CPSF6: variants seen among roughly 807,000 people sequenced by gnomAD.
CPSF6 encodes cleavage and polyadenylation specific factor 6.
CPSF6 carries 10 observed loss-of-function variants against 56.7 expected under a neutral mutation model. The observed-to-expected ratio is 0.18, with a 90% CI of 0.11 to 0.30. The LOEUF (loss-of-function observed/expected upper bound fraction) is 0.30. CPSF6 is among the 10% of genes least tolerant of loss of function. The probability of loss-of-function intolerance (pLI) is 1.00; values close to 1 mark genes in which losing one functional copy is unlikely to be tolerated. For synonymous variants in CPSF6, 248 were observed against 244.8 expected, an observed-to-expected ratio of 1.01 and a Z score of -0.12; for missense variants, 419 against 722.9, an observed-to-expected ratio of 0.58 and a Z score of 4.82.
chr12:69,264,918 G>C (rs1232028339), intron 9 of CPSF6, among the ~76,000 whole-genome samples: 3 of 152,140 alleles, frequency 2.0e-5, no homozygotes, highest in African/African-American at 7.2e-5. Context: ...CAAATGGACT[G>C]AGTGATTTGA....
At chr12:69,239,862 C>T (rs1187170501) in intron 1 of CPSF6, among the ~76,000 whole-genome samples, 156 bp downstream of exon 1, 5 of 149,260 alleles carry the variant, frequency 3.3e-5, no homozygotes. Flanking sequence ...GGCGCCCCCC[C>T]GCCCCTCGTT....
intron 1 of CPSF6, among the ~76,000 whole-genome samples, chr12:69,240,103 T>A (rs1445199862): frequency 1.3e-5 from 2 of 150,592 alleles, no homozygotes; most frequent in Non-Finnish European, 3.0e-5. Context: ...CCGTCGCTGG[T>A]CGGAGGAGGA....
Position 69,260,020 on chromosome 12 carries a change from C to G in CPSF6, c.1316-24C>G, listed in dbSNP as rs201294187. 80 of 1,606,518 alleles carry G rather than the reference C, an allele frequency of 5.0e-5. No individual in the cohort carries two copies. The Admixed American group carries it at 1.3e-3, about 27-fold the overall frequency. On this transcript the variant is annotated intron_variant, in intron 7 of 9. Coordinates refer to ENST00000435070, the MANE Select transcript of CPSF6 (RefSeq NM_007007.3). Reference sequence around the variant, plus strand: ...TTTGAAAACAAAATTTGTTTGACTTCAAACCCTTTCCTTTCCCTCACAGGT... The same window carrying G: ...TTTGAAAACAAAATTTGTTTGACTTGAAACCCTTTCCTTTCCCTCACAGGT...
chr12:69,249,165 G>GC (rs1872091458), intron 1 of CPSF6, among the ~76,000 whole-genome samples: 1 of 82,390 alleles, frequency 1.2e-5, no homozygotes, highest in Non-Finnish European at 2.7e-5. Flanking sequence ...GGGGGGGGGG[G>GC]GGGGCTGAGG....
chr12:69,260,128 A>G lies in CPSF6; in HGVS notation c.1400A>G (p.Lys467Arg). 1 of 1,613,590 alleles carries G rather than the reference A, an allele frequency of 6.2e-7. No homozygotes were observed. The highest frequency in any genetic ancestry group is 8.5e-7 in the Non-Finnish European group (1 of 1,179,786). Reference protein sequence around the residue: ...QSKVSADDRCKVLISSLQDCL... With the variant: ...QSKVSADDRCRVLISSLQDCL... ...AAAGTATCTGCTGATGATCGTTGCA[A>G]AGTTCTTATTAGTTCTTTGCAAGAT... Residue 467 changes from lysine to arginine, a missense_variant, in exon 8 of 10, where the codon AAA (lysine) becomes AGA (arginine). Transcript: ENST00000435070.
At chr12:69,263,972 AC>A (rs1040814944) in intron 9 of CPSF6, among the ~76,000 whole-genome samples, 1 of 152,070 alleles carries the variant, frequency 6.6e-6, no homozygotes, top group Non-Finnish European at 1.5e-5. Flanking sequence ...AGGCAAAAAA[AC>A]CTTTTACTTT....
At chr12:69,250,147 C>T (rs1054222736) in intron 1 of CPSF6, among the ~76,000 whole-genome samples, 8 of 151,956 alleles carry the variant, frequency 5.3e-5, no homozygotes. Context: ...TTTCTTCTTT[C>T]TTTTATGGCT....
At chr12:69,245,412 A>C (rs1871845781) in intron 1 of CPSF6, among the ~76,000 whole-genome samples, 1 of 152,198 alleles carries the variant, frequency 6.6e-6, no homozygotes, top group Admixed American at 6.5e-5. Context: ...CCTACTTTAT[A>C]AATTAAACTT....
chr12:69,259,940 CA>C (rs1480945395), intron 7 of CPSF6, 103 bp from the exon 8 acceptor site: 28 of 1,154,736 alleles, frequency 2.4e-5, no homozygotes, highest in Non-Finnish European at 3.7e-6. Context: ...TATTTTATAG[CA>C]CAGTACTTTT....
Position 69,271,297 on chromosome 12 carries a change from T to C in CPSF6, c.*1789T>C, listed in dbSNP as rs775302557. On this transcript the variant is annotated 3_prime_UTR_variant, in exon 10 of 10. Coordinates refer to ENST00000435070, the MANE Select transcript of CPSF6 (RefSeq NM_007007.3). ...AATTTTCCTGTTTTCTGTATATTGTTGTGTCATTTCTTGGCTTTTTAATAT... is the reference window on the plus strand; with the variant it reads ...AATTTTCCTGTTTTCTGTATATTGTCGTGTCATTTCTTGGCTTTTTAATAT... 8 of 152,252 alleles carry C rather than the reference T, an allele frequency of 5.3e-5. No homozygotes were observed. The highest frequency in any genetic ancestry group is 8.9e-5 in the Non-Finnish European group (6 of 67,652). 9.4% of individuals were successfully genotyped at this position (152,252 alleles called of 1,614,324 possible).
chr12:69,239,596 G>A lies in CPSF6; in HGVS notation c.-51G>A, dbSNP rs753499557. On this transcript the variant is annotated 5_prime_UTR_variant, in exon 1 of 10. Transcript: ENST00000435070. Reference sequence around the variant, plus strand: ...TAGATCCGCTGCTGCTGCCGCGGCGGGCAGACCTGCAGGAGGCGGCGGCGG... The same window carrying A: ...TAGATCCGCTGCTGCTGCCGCGGCGAGCAGACCTGCAGGAGGCGGCGGCGG... The A allele has an allele frequency of 2.6e-6, 4 of 1,526,682 alleles. No homozygotes were observed. Among genetic ancestry groups the A allele is most frequent in the Non-Finnish European group, 2.6e-6 (3 of 1,139,084 alleles). 94.6% of individuals were successfully genotyped at this position (1,526,682 alleles called of 1,614,324 possible). A position where few individuals can be genotyped will look rare whatever the true frequency, so the allele number is the denominator to read the frequency against.
chr12:69,243,469 C>T (rs1468097811), intron 1 of CPSF6, among the ~76,000 whole-genome samples: 2 of 152,218 alleles, frequency 1.3e-5, no homozygotes, highest in Non-Finnish European at 2.9e-5. Context: ...CTGGAAGGTA[C>T]AGCCTACTAC....
chr12:69,254,287 T>C (rs572474253), intron 3 of CPSF6, among the ~76,000 whole-genome samples: 2 of 152,338 alleles, frequency 1.3e-5, no homozygotes, highest in East Asian at 3.9e-4. Context: ...CCACCACCTT[T>C]CTAACCCTAT....
intron 3 of CPSF6, among the ~76,000 whole-genome samples, chr12:69,253,960 T>G (rs568906665): frequency 6.6e-6 from 1 of 152,288 alleles, no homozygotes; most frequent in South Asian, 2.1e-4. Flanking sequence ...GATAAAGAAT[T>G]TTCTTATTTC....
intron 2 of CPSF6, among the ~76,000 whole-genome samples, chr12:69,252,601 T>C (rs1163131671): frequency 6.6e-6 from 1 of 152,178 alleles, no homozygotes; most frequent in East Asian, 1.9e-4. Flanking sequence ...GCTTATATGG[T>C]TGTTATAAGA....
At chr12:69,246,875 G>A (rs1335783296) in intron 1 of CPSF6, among the ~76,000 whole-genome samples, 2 of 152,100 alleles carry the variant, frequency 1.3e-5, no homozygotes, top group Non-Finnish European at 2.9e-5. Flanking sequence ...AGTTGCCCAG[G>A]CTGGTCTTAG....
intron 9 of CPSF6, among the ~76,000 whole-genome samples, chr12:69,267,961 T>A (rs1362763553): frequency 6.6e-6 from 1 of 151,824 alleles, no homozygotes; most frequent in Non-Finnish European, 1.5e-5. Context: ...GAGTTGAATA[T>A]TTTTGTTTTG....
chr12:69,253,949 T>G (rs1317420387), intron 3 of CPSF6, among the ~76,000 whole-genome samples: 1 of 152,168 alleles, frequency 6.6e-6, no homozygotes, highest in African/African-American at 2.4e-5. Flanking sequence ...AGATGCACAA[T>G]GATAAAGAAT....
rs753260755 is a variant in CPSF6, at chr12:69,256,686, A to T, written c.375-11A>T. 1.3e-5 allele frequency: 21 copies of T among 1,604,502 alleles called. No individual in the cohort carries two copies. The highest frequency in any genetic ancestry group is 1.4e-5 in the Non-Finnish European group (17 of 1,176,822). ...TTTACTTTGTATCCTCACCCCTTAA[A>T]CACTTTTTAGGTTTGCCCTTGTTGG... On this transcript the variant is annotated splice_polypyrimidine_tract_variant and intron_variant, in intron 3 of 9. Coordinates refer to ENST00000435070, the MANE Select transcript of CPSF6 (RefSeq NM_007007.3).
Sources: gnomAD v4.1 joint callset for allele counts (sites outside exome capture counted in the v4.1 genomes callset) on GRCh38, gnomAD v4.1.1 for gene constraint, MANE v1.5 for transcripts, NCBI Gene and HGNC (gene_info 2026-07-23, HGNC 2026-07-21) for gene names.